The following SLC24A2 variants were observed in gnomAD, a reference collection of about 807,000 sequenced individuals.
SLC24A2 encodes the protein sodium/potassium/calcium exchanger 2.
Under a neutral mutation model 62.0 loss-of-function variants are expected in SLC24A2, and 36 were observed. The ratio of observed to expected loss-of-function variants is 0.58; its 90% confidence interval spans 0.44 to 0.77. SLC24A2 has a LOEUF of 0.77. Ranked by LOEUF, SLC24A2 falls within the 30% of genes least tolerant of loss-of-function variation. The probability of loss-of-function intolerance (pLI) is 0.00; values close to 1 mark genes in which losing one functional copy is unlikely to be tolerated. For missense variants in SLC24A2, 846 were observed against 817.9 expected (o/e 1.03, Z -0.42); for synonymous variants, 358 against 294.0 (o/e 1.22, Z -2.23).
At chr9:20,021,480 C>G in the SLC24A2 span, among the ~76,000 whole-genome samples, 1 of 151,820 alleles carries the variant, frequency 6.6e-6, no homozygotes, top group African/African-American at 2.4e-5. Flanking sequence ...TCCACAAAAG[C>G]CACAGCACCA....
At chr9:19,788,387 C>G (rs1434015492) in intron 1 of SLC24A2, 3 of 506,984 alleles carry the variant, frequency 5.9e-6, no homozygotes, top group Non-Finnish European at 7.6e-6. Context: ...CCTCGCTCCC[C>G]CTGAAAACCC....
chr9:19,898,471 G>A, the SLC24A2 span, among the ~76,000 whole-genome samples: 535 of 152,246 alleles, frequency 3.5e-3, 3 homozygotes, highest in Non-Finnish European at 4.3e-3. Flanking sequence ...GGCCTGGCGC[G>A]GTGGCTCACG....
chr9:20,091,083 G>C, the SLC24A2 span, among the ~76,000 whole-genome samples: 1 of 151,104 alleles, frequency 6.6e-6, no homozygotes, highest in Non-Finnish European at 1.5e-5. Context: ...TAGCAGGATA[G>C]ACCAAGCTGA....
At chr9:19,947,555 C>T in the SLC24A2 span, among the ~76,000 whole-genome samples, 1 of 151,730 alleles carries the variant, frequency 6.6e-6, no homozygotes, top group East Asian at 1.9e-4. Context: ...CTTTGGGAGG[C>T]CGAGGTGGGC....
At chr9:20,090,983 C>A in the SLC24A2 span, among the ~76,000 whole-genome samples, 1 of 151,684 alleles carries the variant, frequency 6.6e-6, no homozygotes, top group Non-Finnish European at 1.5e-5. Flanking sequence ...AGCTGACAGA[C>A]AAAATAGACA....
At chr9:20,050,442 G>A in the SLC24A2 span, among the ~76,000 whole-genome samples, 2 of 151,822 alleles carry the variant, frequency 1.3e-5, no homozygotes, top group African/African-American at 4.8e-5. Context: ...CCATCCATTA[G>A]CAAGACAATT....
Position 19,576,930 on chromosome 9 carries a change from G to T in SLC24A2, c.1222C>A (p.His408Asn). The change falls in exon 6 of 11, where the codon CAC becomes AAC. Residue 408 changes from histidine to asparagine, a missense_variant. Physicochemically the swap from His to Asn is moderately conservative, Grantham distance 68 (BLOSUM62 1). Transcript: ENST00000341998. ...ENERQNGAAN[H>N]VEKIELPNST... ...GATGTTTCCCTGCACTCACCCACGT[G>T]GTTGGCAGCCCCATTCTGCCTCTCG... The T allele has an allele frequency of 6.2e-7, 1 of 1,612,126 alleles. No homozygotes were observed. The highest frequency in any genetic ancestry group is 8.5e-7 in the Non-Finnish European group (1 of 1,178,152).
the SLC24A2 span, among the ~76,000 whole-genome samples, chr9:20,095,302 G>C: frequency 6.6e-6 from 1 of 152,116 alleles, no homozygotes; most frequent in Non-Finnish European, 1.5e-5. Context: ...AAAGTTATTT[G>C]GAACCTGTGA....
chr9:19,538,613 T>G (rs1380649829), intron 8 of SLC24A2, among the ~76,000 whole-genome samples: 8 of 76,118 alleles, frequency 1.1e-4, no homozygotes, highest in Non-Finnish European at 2.5e-5. Context: ...TGCCAGTATT[T>G]TATTGAGGAT....
the SLC24A2 span, among the ~76,000 whole-genome samples, chr9:19,909,185 G>A: frequency 3.3e-5 from 5 of 152,030 alleles, no homozygotes; most frequent in African/African-American, 9.7e-5. Context: ...CTTTGTAGGG[G>A]CACAGATGAA....
chr9:20,161,229 T>C, the SLC24A2 span, among the ~76,000 whole-genome samples: 4 of 151,528 alleles, frequency 2.6e-5, no homozygotes, highest in East Asian at 7.8e-4. Context: ...CTAGAGAAGA[T>C]ACCAAAATTA....
At chr9:19,535,987 T>C (rs539062160) in intron 8 of SLC24A2, among the ~76,000 whole-genome samples, 1 of 152,100 alleles carries the variant, frequency 6.6e-6, no homozygotes, top group Admixed American at 6.5e-5. Context: ...GGCATGTTGT[T>C]CCATTTATTT....
the SLC24A2 span, among the ~76,000 whole-genome samples, chr9:20,280,459 C>T: frequency 6.6e-6 from 1 of 152,168 alleles, no homozygotes; most frequent in Admixed American, 6.5e-5. Context: ...TCACAGGAGG[C>T]ACCAGCCTGG....
the SLC24A2 span, among the ~76,000 whole-genome samples, chr9:20,101,231 C>T: frequency 6.6e-6 from 1 of 152,226 alleles, no homozygotes. Context: ...GGCAACGATG[C>T]CCTGGGCAGG....
the SLC24A2 span, among the ~76,000 whole-genome samples, chr9:20,151,565 T>G: frequency 6.6e-6 from 1 of 151,848 alleles, no homozygotes; most frequent in Non-Finnish European, 1.5e-5. Context: ...GCAAGAAAGT[T>G]AGGAGAAAAG....
At chr9:20,193,323 T>C in the SLC24A2 span, among the ~76,000 whole-genome samples, 1 of 152,128 alleles carries the variant, frequency 6.6e-6, no homozygotes, top group Admixed American at 6.6e-5. Flanking sequence ...GTGAACAGAC[T>C]TCTGCTTTAA....
the SLC24A2 span, among the ~76,000 whole-genome samples, chr9:20,296,230 G>C: frequency 5.9e-5 from 9 of 152,322 alleles, no homozygotes; most frequent in African/African-American, 9.6e-5. Context: ...AAAGTGCAGC[G>C]AGTGTTTCCA....
chr9:19,600,501 T>G (rs1424733637), intron 4 of SLC24A2, among the ~76,000 whole-genome samples: 1 of 152,220 alleles, frequency 6.6e-6, no homozygotes, highest in Non-Finnish European at 1.5e-5. Flanking sequence ...AAAGGTAGGT[T>G]ATAATCACAG....
chr9:20,267,203 G>C, the SLC24A2 span, among the ~76,000 whole-genome samples: 1 of 152,206 alleles, frequency 6.6e-6, no homozygotes, highest in African/African-American at 2.4e-5. Flanking sequence ...TTTAAGTGGA[G>C]ATTAAATTAA....
Sources: allele counts gnomAD v4.1 joint callset (sites outside exome capture counted in the v4.1 genomes callset), GRCh38; gene constraint gnomAD v4.1.1; transcripts MANE v1.5; gene names NCBI Gene and HGNC (gene_info 2026-07-23, HGNC 2026-07-21).